Variants in GC observed in about 807,000 individuals in gnomAD.
GC encodes GC vitamin D binding protein, also known as vitamin D-binding protein.
In GC, 43 loss-of-function variants were observed where a neutral mutation model predicts 56.7. The observed-to-expected ratio is 0.76, with a 90% CI of 0.59 to 0.98. The LOEUF (loss-of-function observed/expected upper bound fraction) is 0.98, where lower values mean the gene tolerates loss of function less well. GC is among the 50% of genes least tolerant of loss of function. The pLI, the probability that GC is intolerant of heterozygous loss-of-function variation, is 0.00. For synonymous variants in GC, 216 were observed against 202.7 expected, an observed-to-expected ratio of 1.07 and a Z score of -0.56; for missense variants, 529 against 545.9, an observed-to-expected ratio of 0.97 and a Z score of 0.31.
chr4:71,777,909 T>C (rs1001415756), intron 1 of GC, among the ~76,000 whole-genome samples: 1 of 151,478 alleles, frequency 6.6e-6, no homozygotes, highest in African/African-American at 2.4e-5. Flanking sequence ...AGGGGAGGAA[T>C]AGCATTAGGA....
At chr4:71,804,016 G>A (rs1743307425) in exon 1 of GC, 4 of 941,366 alleles carry the variant, frequency 4.2e-6, no homozygotes, top group Non-Finnish European at 6.6e-6. Flanking sequence ...TCCTGGTGGA[G>A]TAAGCAATCT....
chr4:71,765,445 C>T lies in GC; in HGVS notation c.460G>A (p.Glu154Lys). ...ICEAFRKDPK[E>K]YANQFMWEYS... ...GAAGGCACTCACTGATTAGCATATT[C>T]CTTTGGATCTTTCCTGAACGCCTCA... The change falls in exon 4 of 13, where the codon GAA (glutamate) becomes AAA (lysine). Residue 154 changes from glutamate to lysine, a missense_variant. Glu to Lys is a moderately conservative substitution (Grantham distance 56). Coordinates refer to ENST00000273951, the MANE Select transcript of GC (RefSeq NM_000583.4). 1 of 1,613,220 alleles carries T rather than the reference C, an allele frequency of 6.2e-7. No individual in the cohort carries two copies. Among genetic ancestry groups the T allele is most frequent in the Non-Finnish European group, 8.5e-7 (1 of 1,179,452 alleles).
chr4:71,746,772 T>TAA (rs34865299), intron 11 of GC, among the ~76,000 whole-genome samples: 52,463 of 100,362 alleles, frequency 0.52, 14,570 homozygotes, highest in Middle Eastern at 0.65. Flanking sequence ...CTCTATTTTG[T>TAA]AAAAAAAAAA....
At chr4:71,789,083 G>A (rs1742911571) in intron 1 of GC, among the ~76,000 whole-genome samples, 1 of 151,740 alleles carries the variant, frequency 6.6e-6, no homozygotes, top group South Asian at 2.1e-4. Flanking sequence ...ATTGACAATT[G>A]TAGTATATTT....
Position 71,803,918 on chromosome 4 carries a change from C to T in GC, c.21+8G>A, listed in dbSNP as rs755509041. ...AACTTGAAATTATTTGGAATTAGAA[C>T]GCAGTACCTCACTCCAAGACCACAG... On this transcript the variant is annotated splice_region_variant and intron_variant, in intron 1 of 13. Transcript: ENST00000504199. The T allele has an allele frequency of 6.6e-5, 98 of 1,478,428 alleles. No individual in the cohort carries two copies. The African/African-American group carries it at 8.5e-4, about 13-fold the overall frequency. The allele number at this position is 1,478,428 out of a possible 1,614,324, so 91.6% of individuals were successfully genotyped here.
intron 12 of GC, among the ~76,000 whole-genome samples, chr4:71,744,908 A>C (rs905102904): frequency 1.3e-5 from 2 of 152,172 alleles, no homozygotes; most frequent in Non-Finnish European, 2.9e-5. Context: ...AATAACTTGC[A>C]TTTTGATTTT....
chr4:71,789,469 G>T (rs1281014301), intron 1 of GC, among the ~76,000 whole-genome samples: 1 of 151,816 alleles, frequency 6.6e-6, no homozygotes, highest in Non-Finnish European at 1.5e-5. Context: ...CCTTAACTTG[G>T]GTTATATGAG....
chr4:71,792,074 A>T (rs931549039), intron 1 of GC, among the ~76,000 whole-genome samples: 1 of 152,340 alleles, frequency 6.6e-6, no homozygotes, highest in East Asian at 1.9e-4. Context: ...ATTGATGGAC[A>T]TTTGGGATGG....
intron 11 of GC, among the ~76,000 whole-genome samples, chr4:71,750,167 A>G (rs938864628): frequency 2.6e-5 from 4 of 152,256 alleles, no homozygotes; most frequent in Non-Finnish European, 4.4e-5. Context: ...CACTTCAAGT[A>G]TAAAAGAGCT....
chr4:71,746,945 G>A (rs1741396687), intron 11 of GC, among the ~76,000 whole-genome samples: 2 of 151,976 alleles, frequency 1.3e-5, no homozygotes, highest in African/African-American at 4.8e-5. Flanking sequence ...CCAATGGACA[G>A]GCTATAAACC....
chr4:71,768,390 C>A lies in GC; in HGVS notation c.172G>T (p.Glu58Ter). Residue 58 changes from glutamate to a stop codon, truncating the protein, a stop_gained, in exon 3 of 13, where the codon GAA becomes TAA. Coordinates refer to ENST00000273951, the MANE Select transcript of GC (RefSeq NM_000583.4). LOFTEE classifies it high-confidence loss of function. ...TCCTTCACAAGTTGGCTGACCTGTT[C>A]AAACGTGCCACTGGGAAATTTTCTA... ...YSRKFPSGTFEQVSQLVKEVV... is the reference protein window; with the variant it reads ...YSRKFPSGTF The A allele has an allele frequency of 6.2e-7, 1 of 1,613,474 alleles. No homozygotes were observed. Among genetic ancestry groups the A allele is most frequent in the South Asian group, 1.1e-5 (1 of 90,974 alleles).
chr4:71,763,778 C>T, intron 5 of GC, 26 bp downstream of exon 5: 2 of 1,582,812 alleles, frequency 1.3e-6, no homozygotes, highest in South Asian at 2.3e-5. Flanking sequence ...AAAACGTAAA[C>T]ATATAATAAG....
chr4:71,790,402 C>G (rs570228826), intron 1 of GC, among the ~76,000 whole-genome samples: 171 of 152,078 alleles, frequency 1.1e-3, no homozygotes, highest in African/African-American at 3.8e-3. Context: ...TAAAGTGAAT[C>G]TCTTGAAAAG....
At chr4:71,760,741 G>A (rs139543480) in intron 6 of GC, among the ~76,000 whole-genome samples, 12 of 152,242 alleles carry the variant, frequency 7.9e-5, no homozygotes, top group South Asian at 2.1e-4. Flanking sequence ...AGCTGTTCCC[G>A]TGACAGTGAA....
chr4:71,766,999 A>G (rs1742177979), intron 3 of GC, among the ~76,000 whole-genome samples: 1 of 152,200 alleles, frequency 6.6e-6, no homozygotes, highest in Admixed American at 6.5e-5. Flanking sequence ...TAGCAAATAT[A>G]TGAAATAAAA....
intron 1 of GC, among the ~76,000 whole-genome samples, chr4:71,789,155 G>A (rs1319363450): frequency 1.7e-5 from 2 of 118,352 alleles, no homozygotes; most frequent in African/African-American, 8.3e-5. Context: ...AGAGAATCGA[G>A]AAAAGAAGAG....
intron 1 of GC, among the ~76,000 whole-genome samples, chr4:71,773,626 T>C (rs774028869): frequency 2.0e-5 from 3 of 152,042 alleles, no homozygotes; most frequent in Non-Finnish European, 4.4e-5. Flanking sequence ...CCTTCACTAT[T>C]ACTAGTCTTT....
intron 4 of GC, 101 bp from the exon 5 acceptor site, chr4:71,764,037 C>T (rs892597920): frequency 2.3e-6 from 2 of 871,568 alleles, no homozygotes; most frequent in Non-Finnish European, 3.7e-6. Flanking sequence ...GGCTGGAGTA[C>T]ATGGTATAAT....
At chr4:71,795,403 C>T (rs1388688854) in intron 1 of GC, among the ~76,000 whole-genome samples, 1 of 152,088 alleles carries the variant, frequency 6.6e-6, no homozygotes, top group Non-Finnish European at 1.5e-5. Flanking sequence ...ATACCTTTAC[C>T]ATTATGTAAT....
Sources: gnomAD v4.1 joint callset for allele counts (sites outside exome capture counted in the v4.1 genomes callset) on GRCh38, gnomAD v4.1.1 for gene constraint, MANE v1.5 for transcripts, NCBI Gene and HGNC (gene_info 2026-07-23, HGNC 2026-07-21) for gene names.